Variants in JARID2 observed in about 807,000 individuals in gnomAD.
JARID2 encodes the protein protein Jumonji.
In JARID2, 21 loss-of-function variants were observed where a neutral mutation model predicts 125.6. The observed-to-expected ratio is 0.17, with a 90% CI of 0.12 to 0.24. JARID2 has a LOEUF of 0.24. Among genes scored for constraint, JARID2 ranks in the 10% least tolerant of loss-of-function variants. JARID2 has a pLI of 1.00. For synonymous variants in JARID2, 736 were observed against 661.6 expected (o/e 1.11, Z -1.73); for missense variants, 1,303 against 1,639.6 (o/e 0.79, Z 3.55).
chr6:15,422,936 G>T (rs1349250714), intron 3 of JARID2, among the ~76,000 whole-genome samples: 1 of 151,478 alleles, frequency 6.6e-6, no homozygotes, highest in Non-Finnish European at 1.5e-5. Context: ...TCTTCTCATG[G>T]GTTAGGCCTA....
chr6:15,499,107 G>A (rs1028441892), intron 7 of JARID2, among the ~76,000 whole-genome samples: 2 of 151,476 alleles, frequency 1.3e-5, no homozygotes, highest in Non-Finnish European at 2.9e-5. Flanking sequence ...CCGTCACCCA[G>A]AAGTCTAAGG....
intron 1 of JARID2, chr6:15,248,487 C>G (rs1759285528): frequency 7.0e-6 from 1 of 141,886 alleles, no homozygotes; most frequent in African/African-American, 2.6e-5. Context: ...GCGCGGCGCA[C>G]AGCTGCAGCG....
chr6:15,496,309 C>A lies in JARID2; in HGVS notation c.1084C>A (p.Pro362Thr), dbSNP rs749486167. 2 of 1,614,104 alleles carry A rather than the reference C, an allele frequency of 1.2e-6. No homozygotes were observed. Among genetic ancestry groups the A allele is most frequent in the East Asian group, 4.5e-5 (2 of 44,894 alleles). ...AKRELVKDTK[P>T]NHHKPSSAVN... ...GAGAGAACTGGTCAAGGACACCAAA[C>A]CCAATCACCACAAGCCCAGTTCCGC... The change falls in exon 7 of 18, where the codon CCC becomes ACC. Residue 362 changes from proline (P) to threonine (T), a missense_variant. By Grantham distance (38) the Pro-to-Thr change is conservative. Around this residue, in one of 11 missense-constraint regions of JARID2, gnomAD observed 651 missense variants for 581.6 expected, o/e 1.12. Coordinates refer to ENST00000341776, the MANE Select transcript of JARID2 (RefSeq NM_004973.4).
intron 1 of JARID2, among the ~76,000 whole-genome samples, chr6:15,266,179 G>A (rs1192450942): frequency 1.3e-5 from 2 of 152,178 alleles, no homozygotes; most frequent in Non-Finnish European, 2.9e-5. Flanking sequence ...GAAGACAAGT[G>A]TGTCCGATGA....
chr6:15,383,447 C>T (rs769475339), intron 2 of JARID2, among the ~76,000 whole-genome samples: 2 of 152,062 alleles, frequency 1.3e-5, no homozygotes, highest in African/African-American at 2.4e-5. Flanking sequence ...TGGTTCATTC[C>T]CACCATTGTA....
chr6:15,299,940 G>A (rs1454335370), intron 1 of JARID2, among the ~76,000 whole-genome samples: 1 of 152,118 alleles, frequency 6.6e-6, no homozygotes, highest in Non-Finnish European at 1.5e-5. Context: ...AGTGTTGTTG[G>A]TATCTCAGGC....
At chr6:15,337,788 C>T (rs1304781815) in intron 1 of JARID2, among the ~76,000 whole-genome samples, 1 of 152,134 alleles carries the variant, frequency 6.6e-6, no homozygotes, top group Non-Finnish European at 1.5e-5. Context: ...AGGAACGGCC[C>T]CTGCTGGCTG....
intron 5 of JARID2, among the ~76,000 whole-genome samples, chr6:15,484,998 G>C (rs902409963): frequency 6.6e-6 from 1 of 152,164 alleles, no homozygotes; most frequent in Non-Finnish European, 1.5e-5. Flanking sequence ...TACGGATGTT[G>C]CTTTTAATTT....
At chr6:15,377,783 C>T (rs922488237) in intron 2 of JARID2, among the ~76,000 whole-genome samples, 3 of 151,932 alleles carry the variant, frequency 2.0e-5, no homozygotes, top group East Asian at 1.9e-4. Flanking sequence ...CTACCTGCTT[C>T]GGCCTCCCAA....
At chr6:15,372,450 C>G (rs1278690849) in intron 1 of JARID2, among the ~76,000 whole-genome samples, 2 of 151,910 alleles carry the variant, frequency 1.3e-5, no homozygotes, top group Non-Finnish European at 2.9e-5. Context: ...CCTCCGCCTC[C>G]CCAGGTTCAA....
intron 13 of JARID2, among the ~76,000 whole-genome samples, chr6:15,511,775 C>T (rs1274427052): frequency 6.6e-6 from 1 of 152,162 alleles, no homozygotes; most frequent in Non-Finnish European, 1.5e-5. Flanking sequence ...CTGCTTTGAG[C>T]TGAGTTCTGA....
intron 3 of JARID2, among the ~76,000 whole-genome samples, chr6:15,428,458 G>A (rs982411501): frequency 2.6e-5 from 4 of 151,958 alleles, no homozygotes; most frequent in Admixed American, 6.6e-5. Context: ...GTGTGATGTT[G>A]CCCTTCCTGT....
At chr6:15,519,318 C>T (rs530856871) in intron 17 of JARID2, among the ~76,000 whole-genome samples, 4 of 152,242 alleles carry the variant, frequency 2.6e-5, no homozygotes, top group South Asian at 2.1e-4. Context: ...TGGACCGCCC[C>T]GCCTTCCGAA....
intron 3 of JARID2, among the ~76,000 whole-genome samples, chr6:15,421,434 CGTAA>C (rs1337686824): frequency 1.4e-4 from 21 of 150,892 alleles, no homozygotes; most frequent in Admixed American, 6.6e-5. Context: ...AGGTGAACAG[CGTAA>C]GTAAGCCCTG....
At chr6:15,284,411 T>A in intron 1 of JARID2, among the ~76,000 whole-genome samples, 1 of 152,194 alleles carries the variant, frequency 6.6e-6, no homozygotes. Flanking sequence ...ATACATCCCA[T>A]GGATATATAG....
chr6:15,319,364 G>A (rs772934009), intron 1 of JARID2, among the ~76,000 whole-genome samples: 4 of 152,084 alleles, frequency 2.6e-5, no homozygotes, highest in Non-Finnish European at 4.4e-5. Context: ...TAGCCATTTT[G>A]TGTCTGAGTG....
At chr6:15,292,149 T>C (rs1394942863) in intron 1 of JARID2, among the ~76,000 whole-genome samples, 1 of 152,000 alleles carries the variant, frequency 6.6e-6, no homozygotes, top group African/African-American at 2.4e-5. Flanking sequence ...CCCGAGTAGC[T>C]GGGACCACAG....
rs533242813 is a variant in JARID2, at chr6:15,319,151, C to T, written c.46-54966C>T. 4.6e-5 allele frequency among the ~76,000 whole-genome samples: 7 copies of T among 152,276 alleles called. No homozygotes were observed. The South Asian group carries it at 6.2e-4, about 14-fold the overall frequency. On this transcript the variant is annotated intron_variant, in intron 1 of 17. Transcript: ENST00000341776. Reference sequence around the variant, plus strand: ...GAGAGAGGATGCTGTCTGTCTGTCTCTCATATGTATATAACATGCTTGGAA... The same window carrying T: ...GAGAGAGGATGCTGTCTGTCTGTCTTTCATATGTATATAACATGCTTGGAA...
chr6:15,270,280 T>G (rs1031103177), intron 1 of JARID2, among the ~76,000 whole-genome samples: 1 of 152,068 alleles, frequency 6.6e-6, no homozygotes, highest in Middle Eastern at 3.2e-3. Context: ...TTACAGGCAT[T>G]TGCCACCACA....
Sources: gnomAD v4.1 joint callset for allele counts (sites outside exome capture counted in the v4.1 genomes callset) on GRCh38, gnomAD v4.1.1 for gene constraint, gnomAD v4.1.1 regional missense constraint, MANE v1.5 for transcripts, NCBI Gene and HGNC (gene_info 2026-07-23, HGNC 2026-07-21) for gene names.